Variants in ZFAT observed in about 807,000 individuals in gnomAD.
ZFAT encodes the protein zinc finger protein ZFAT.
Under a neutral mutation model 117.7 loss-of-function variants are expected in ZFAT, and 64 were observed. The ratio of observed to expected loss-of-function variants is 0.54; its 90% CI spans 0.44 to 0.67. ZFAT has a LOEUF of 0.67. Among genes scored for constraint, ZFAT ranks in the 30% least tolerant of loss-of-function variants. The pLI is 0.00. For missense variants in ZFAT, 1,433 were observed against 1,584.5 expected, an observed-to-expected ratio of 0.90 and a Z score of 1.62; for synonymous variants, 679 against 615.0, an observed-to-expected ratio of 1.10 and a Z score of -1.54.
At chr8:134,782,817 T>A in the ZFAT span, among the ~76,000 whole-genome samples, 1 of 152,150 alleles carries the variant, frequency 6.6e-6, no homozygotes, top group South Asian at 2.1e-4. Flanking sequence ...CTCGGGTATG[T>A]CTTTATCAGT....
At chr8:134,755,817 C>CAAAAAAAAAAAAAAAAAAAAAA in the ZFAT span, among the ~76,000 whole-genome samples, 1 of 90,020 alleles carries the variant, frequency 1.1e-5, no homozygotes, top group Non-Finnish European at 2.1e-5. Context: ...GACTCCATCT[C>CAAAAAAAAAAAAAAAAAAAAAA]AAAAAAAAAA....
At chr8:134,611,064 G>C (rs1034646889) in intron 3 of ZFAT, among the ~76,000 whole-genome samples, 2 of 152,246 alleles carry the variant, frequency 1.3e-5, no homozygotes, top group Non-Finnish European at 2.9e-5. Context: ...CTGGTGCCAG[G>C]CATGGTGGAC....
intron 11 of ZFAT, among the ~76,000 whole-genome samples, chr8:134,546,483 G>A (rs944195800): frequency 3.3e-5 from 5 of 152,134 alleles, no homozygotes; most frequent in African/African-American, 7.2e-5. Flanking sequence ...GGGGGAGGGC[G>A]GGATCCCAAG....
chr8:134,687,473 G>T (rs569465580), intron 1 of ZFAT, among the ~76,000 whole-genome samples: 75 of 152,240 alleles, frequency 4.9e-4, no homozygotes, highest in Non-Finnish European at 9.1e-4. Flanking sequence ...AGAGCCCCTG[G>T]GCAATGGAAT....
At chr8:134,822,306 C>A in the ZFAT span, among the ~76,000 whole-genome samples, 1 of 152,116 alleles carries the variant, frequency 6.6e-6, no homozygotes, top group African/African-American at 2.4e-5. Context: ...CTTGCTAAGT[C>A]TTCCTTTATT....
intron 15 of ZFAT, among the ~76,000 whole-genome samples, chr8:134,500,113 C>G (rs1187385214): frequency 6.6e-6 from 1 of 152,322 alleles, no homozygotes; most frequent in South Asian, 2.1e-4. Flanking sequence ...TACAGCCTGG[C>G]CTTGACCCCA....
chr8:134,532,882 C>T lies in ZFAT; in HGVS notation c.3067G>A (p.Ala1023Thr). Residue 1023 changes from alanine to threonine, a missense_variant, in exon 12 of 16, where the codon GCC becomes ACC. This residue lies in a region of ZFAT where 503 missense variants were observed against 543.4 expected (regional missense o/e 0.93). Coordinates refer to ENST00000377838, the MANE Select transcript of ZFAT (RefSeq NM_020863.4). Reference protein sequence around the residue: ...YNRKHPNEEYANVGTGELAAE... With the variant: ...YNRKHPNEEYTNVGTGELAAE... ...GCCAGCTCCCCGGTGCCCACGTTGG[C>T]ATACTCCTCATTAGGGTGCTTCCTG... 4.3e-6 allele frequency: 7 copies of T among 1,609,834 alleles called. No individual in the cohort carries two copies. The highest frequency in any genetic ancestry group is 5.9e-6 in the Non-Finnish European group (7 of 1,178,172).
intron 10 of ZFAT, among the ~76,000 whole-genome samples, chr8:134,574,086 G>GA (rs1373503867): frequency 2.0e-5 from 3 of 152,206 alleles, no homozygotes; most frequent in Non-Finnish European, 4.4e-5. Flanking sequence ...CCAAACCTAC[G>GA]AGAGTTCGAA....
At chr8:134,798,849 C>T in the ZFAT span, among the ~76,000 whole-genome samples, 3 of 152,072 alleles carry the variant, frequency 2.0e-5, no homozygotes, top group African/African-American at 7.2e-5. Flanking sequence ...AAGAAAAATT[C>T]TATATTTTAT....
intron 10 of ZFAT, among the ~76,000 whole-genome samples, chr8:134,569,650 G>C (rs555925070): frequency 1.3e-5 from 2 of 152,116 alleles, no homozygotes; most frequent in African/African-American, 4.8e-5. Context: ...CCCATCTGCT[G>C]TGAGGATGGG....
At chr8:134,789,009 T>C in the ZFAT span, among the ~76,000 whole-genome samples, 4 of 152,308 alleles carry the variant, frequency 2.6e-5, no homozygotes, top group African/African-American at 9.6e-5. Flanking sequence ...TTCAGCCTGA[T>C]AAATTTTTAA....
intron 1 of ZFAT, among the ~76,000 whole-genome samples, chr8:134,689,616 C>A (rs1833501016): frequency 1.3e-5 from 2 of 152,348 alleles, no homozygotes; most frequent in East Asian, 1.9e-4. Flanking sequence ...AAACAAGTAG[C>A]ATTTCCAGCA....
Position 134,512,502 on chromosome 8 carries a change from GGA to G in ZFAT, c.3332_3333del (p.Leu1111ProfsTer8), listed in dbSNP as rs1819929415. On this transcript the variant is annotated frameshift_variant, in exon 14 of 16. Transcript: ENST00000377838. LOFTEE classifies it high-confidence loss of function. ...VQGTQAAVAALQDLRYTSESG... is the reference protein window; with the variant it reads ...VQGTQAAVAAXQDLRYTSESG... ...CTCTCAGAGGTGTATCTCAGGTCCT[GGA>G]GCGCGGCCACCGCTGCCTGTGTCCC... 1.2e-6 allele frequency: 2 copies of G among 1,613,908 alleles called. No homozygotes were observed.
intron 11 of ZFAT, among the ~76,000 whole-genome samples, chr8:134,542,133 C>T (rs867265675): frequency 3.0e-4 from 46 of 152,312 alleles, no homozygotes; most frequent in African/African-American, 4.3e-4. Context: ...ACCATACTGG[C>T]TCCTTTCTCA....
chr8:134,805,346 G>A, the ZFAT span, among the ~76,000 whole-genome samples: 12 of 152,104 alleles, frequency 7.9e-5, no homozygotes, highest in South Asian at 2.1e-4. Context: ...CTGCCCTGAC[G>A]TTATTGTTAA....
chr8:134,639,828 G>A (rs767205887), intron 2 of ZFAT: 4 of 455,698 alleles, frequency 8.8e-6, no homozygotes, highest in South Asian at 6.2e-5. Context: ...GTTTACTGAA[G>A]CCTGCGGCCC....
At chr8:134,675,344 A>T (rs1307570912) in intron 1 of ZFAT, among the ~76,000 whole-genome samples, 3 of 152,226 alleles carry the variant, frequency 2.0e-5, no homozygotes, top group Non-Finnish European at 4.4e-5. Flanking sequence ...CAAGTAGAAG[A>T]AAGGATATCA....
At chr8:134,781,790 G>C in the ZFAT span, among the ~76,000 whole-genome samples, 3 of 152,274 alleles carry the variant, frequency 2.0e-5, no homozygotes, top group African/African-American at 7.2e-5. Flanking sequence ...ACGTGAACGT[G>C]AGGAGGATGA....
intron 7 of ZFAT, among the ~76,000 whole-genome samples, chr8:134,595,467 T>C (rs1826856294): frequency 6.6e-6 from 1 of 152,144 alleles, no homozygotes; most frequent in Admixed American, 6.5e-5. Flanking sequence ...TTTTTATAGA[T>C]GAGAAAACTG....
Sources: gnomAD v4.1 joint callset for allele counts (sites outside exome capture counted in the v4.1 genomes callset) on GRCh38, gnomAD v4.1.1 for gene constraint, gnomAD v4.1.1 regional missense constraint, MANE v1.5 for transcripts, NCBI Gene and HGNC (gene_info 2026-07-23, HGNC 2026-07-21) for gene names.